KIAA2012: variants seen among roughly 807,000 people sequenced by gnomAD.
KIAA2012 encodes uncharacterized protein KIAA2012.
Under a neutral mutation model 150.6 loss-of-function variants are expected in KIAA2012, and 125 were observed. That is an observed-to-expected ratio of 0.83 (90% confidence interval 0.72 to 0.96). KIAA2012 has a LOEUF of 0.96. Ranked by LOEUF, KIAA2012 falls within the 40% of genes least tolerant of loss-of-function variation. The pLI is 0.00. For synonymous variants in KIAA2012, 462 were observed against 504.7 expected (o/e 0.92, Z 1.13); for missense variants, 1,219 against 1,354.9 (o/e 0.90, Z 1.57).
At chr2:202,133,101 T>TGA (rs1553556979) in intron 12 of KIAA2012, among the ~76,000 whole-genome samples, 2 of 74,184 alleles carry the variant, frequency 2.7e-5, no homozygotes, top group African/African-American at 1.2e-4. Flanking sequence ...TGAGACTGTC[T>TGA]AAAAAAAAAT....
At chr2:202,131,603 G>A (rs1690930208) in intron 12 of KIAA2012, among the ~76,000 whole-genome samples, 1 of 152,248 alleles carries the variant, frequency 6.6e-6, no homozygotes, top group African/African-American at 2.4e-5. Flanking sequence ...TGTGTTGAGA[G>A]CTATGAACGA....
intron 15 of KIAA2012, among the ~76,000 whole-genome samples, chr2:202,172,626 C>A (rs1691917998): frequency 6.6e-6 from 1 of 152,190 alleles, no homozygotes; most frequent in African/African-American, 2.4e-5. Context: ...GTTTTGAAGA[C>A]TTTTCCTTGG....
chr2:202,124,522 C>A (rs551635583), intron 11 of KIAA2012, among the ~76,000 whole-genome samples: 1 of 152,102 alleles, frequency 6.6e-6, no homozygotes, highest in Non-Finnish European at 1.5e-5. Context: ...GCTTTTTGTG[C>A]GTGTCTGTCA....
intron 15 of KIAA2012, among the ~76,000 whole-genome samples, chr2:202,168,192 G>A (rs1446537428): frequency 5.9e-5 from 9 of 151,890 alleles, no homozygotes; most frequent in South Asian, 2.1e-4. Flanking sequence ...AGGCTGAGGC[G>A]GGTGGATCAC....
At chr2:202,110,676 G>A (rs1444983114) in intron 10 of KIAA2012, among the ~76,000 whole-genome samples, 1 of 152,132 alleles carries the variant, frequency 6.6e-6, no homozygotes, top group Non-Finnish European at 1.5e-5. Context: ...AGGCATGTGG[G>A]AACAGAGAGC....
rs1214059018 is a variant in KIAA2012, at chr2:202,073,731, A to G, written c.84+20A>G. ...CCAGAGGTGAGTCCCACAGCTGAAG[A>G]AAGGCACATTTTGGAGGTGGGAGAG... is the stretch of plus-strand genomic sequence containing the variant. On this transcript the variant is annotated intron_variant, in intron 1 of 23. Transcript: ENST00000498697. 6.5e-7 allele frequency: 1 copy of G among 1,547,166 alleles called. No individual in the cohort carries two copies. Among genetic ancestry groups the G allele is most frequent in the Admixed American group, 2.0e-5 (1 of 50,960 alleles).
At chr2:202,112,506 A>G (rs1295661661) in intron 10 of KIAA2012, among the ~76,000 whole-genome samples, 8 of 152,220 alleles carry the variant, frequency 5.3e-5, no homozygotes, top group Non-Finnish European at 1.2e-4. Context: ...GTGGAGGCCC[A>G]ATTTAGAGCT....
chr2:202,125,090 C>T lies in KIAA2012; in HGVS notation c.1763-124C>T, dbSNP rs764179779. 91 of 753,316 alleles carry T rather than the reference C, an allele frequency of 1.2e-4. 1 individual carries two copies. Among genetic ancestry groups the T allele is most frequent in the Non-Finnish European group, 8.1e-5 (37 of 459,390 alleles). The allele number at this position is 753,316 out of a possible 1,614,324, so 46.7% of individuals were successfully genotyped here. A position where few individuals can be genotyped will look rare whatever the true frequency, so the allele number is the denominator to read the frequency against. On this transcript the variant is annotated intron_variant, in intron 11 of 23. Coordinates refer to ENST00000498697, the MANE Select transcript of KIAA2012 (RefSeq NM_001277372.4). The stretch of plus-strand genomic sequence containing the variant: ...ATCTCAAAAATTTAAAAAAAAGAAA[C>T]AGTTCATTGCAAAGCTTAAACACTG...
intron 8 of KIAA2012, among the ~76,000 whole-genome samples, chr2:202,103,792 C>T (rs187625152): frequency 4.9e-4 from 74 of 152,270 alleles, no homozygotes; most frequent in African/African-American, 1.6e-3. Flanking sequence ...CAACTGGCGA[C>T]GTGGGCTTTT....
At chr2:202,156,652 A>G (rs1367725972) in intron 14 of KIAA2012, among the ~76,000 whole-genome samples, 5 of 152,186 alleles carry the variant, frequency 3.3e-5, no homozygotes, top group African/African-American at 7.2e-5. Flanking sequence ...TTGGGAGGCC[A>G]AGGCGGGCAG....
intron 15 of KIAA2012, among the ~76,000 whole-genome samples, chr2:202,167,854 AAATAAT>A (rs947467550): frequency 5.1e-4 from 78 of 152,000 alleles, no homozygotes; most frequent in African/African-American, 1.8e-3. Flanking sequence ...TAAGAAAATA[AAATAAT>A]AATAATAATA....
intron 11 of KIAA2012, among the ~76,000 whole-genome samples, chr2:202,119,814 G>C (rs971355820): frequency 3.3e-5 from 5 of 152,202 alleles, no homozygotes; most frequent in African/African-American, 9.7e-5. Context: ...ACCAACCTGA[G>C]TGATATCTTT....
intron 14 of KIAA2012, among the ~76,000 whole-genome samples, chr2:202,160,639 T>G (rs567617497): frequency 6.6e-6 from 1 of 152,210 alleles, no homozygotes; most frequent in Non-Finnish European, 1.5e-5. Flanking sequence ...ACAAAGACAA[T>G]GTAGGGGACT....
At chr2:202,185,303 G>A (rs1574312477) in intron 16 of KIAA2012, among the ~76,000 whole-genome samples, 1 of 152,194 alleles carries the variant, frequency 6.6e-6, no homozygotes, top group South Asian at 2.1e-4. Flanking sequence ...CTTACTGTGA[G>A]CCCAGCCAGT....
At chr2:202,156,778 G>A (rs984416701) in intron 14 of KIAA2012, among the ~76,000 whole-genome samples, 5 of 152,178 alleles carry the variant, frequency 3.3e-5, no homozygotes, top group South Asian at 4.1e-4. Flanking sequence ...CCAGCTACTC[G>A]GGAGGCTGAG....
At chr2:202,122,437 G>A (rs1369935677) in intron 11 of KIAA2012, among the ~76,000 whole-genome samples, 3 of 151,822 alleles carry the variant, frequency 2.0e-5, no homozygotes, top group Non-Finnish European at 4.4e-5. Flanking sequence ...AAGACTGTTT[G>A]CAGATCCTCT....
intron 15 of KIAA2012, among the ~76,000 whole-genome samples, chr2:202,178,420 G>GA (rs201586351): frequency 5.0e-4 from 74 of 149,366 alleles, no homozygotes; most frequent in East Asian, 2.5e-3. Flanking sequence ...TTTACTAAGA[G>GA]AAAAAAAAAA....
At position 202,190,503 on chromosome 2, in the gene KIAA2012, G is replaced by C; in HGVS notation, c.2811+10G>C. Reference sequence around the variant, plus strand: ...TGAGGACCCTTCCAAGGTAGGGTCTGATGTCCTCAGCTTGACAGAGGAAGT... The same window carrying C: ...TGAGGACCCTTCCAAGGTAGGGTCTCATGTCCTCAGCTTGACAGAGGAAGT... On this transcript the variant is annotated intron_variant, in intron 19 of 23. Coordinates refer to ENST00000498697, the MANE Select transcript of KIAA2012 (RefSeq NM_001277372.4). The C allele has an allele frequency of 4.0e-6, 6 of 1,484,642 alleles. No homozygotes were observed. Among genetic ancestry groups the C allele is most frequent in the Non-Finnish European group, 5.4e-6 (6 of 1,114,816 alleles). 92.0% of individuals were successfully genotyped at this position (1,484,642 alleles called of 1,614,324 possible). A position where few individuals can be genotyped will look rare whatever the true frequency, so the allele number is the denominator to read the frequency against.
At chr2:202,149,881 AGG>A (rs1691386906) in intron 13 of KIAA2012, among the ~76,000 whole-genome samples, 1 of 152,256 alleles carries the variant, frequency 6.6e-6, no homozygotes, top group African/African-American at 2.4e-5. Context: ...ACTGGGGAGA[AGG>A]ATTTCTCCCT....
Sources: gnomAD v4.1 joint callset for allele counts (sites outside exome capture counted in the v4.1 genomes callset) on GRCh38, gnomAD v4.1.1 for gene constraint, MANE v1.5 for transcripts, NCBI Gene and HGNC (gene_info 2026-07-23, HGNC 2026-07-21) for gene names.